The following RAPGEF5 variants were observed in gnomAD, a reference collection of about 807,000 sequenced individuals.
RAPGEF5 encodes the protein Rap guanine nucleotide exchange factor 5, also known as M-Ras-regulated GEF.
A neutral mutation model predicts 125.2 loss-of-function variants in RAPGEF5; 65 were observed. The observed-to-expected ratio is 0.52, with a 90% CI of 0.43 to 0.64. RAPGEF5 has a LOEUF of 0.64. Among genes scored for constraint, RAPGEF5 ranks in the 30% least tolerant of loss-of-function variants. The pLI, the probability that RAPGEF5 is intolerant of heterozygous loss-of-function variation, is 0.00. For synonymous variants in RAPGEF5, 391 were observed against 385.9 expected (o/e 1.01, Z -0.16); for missense variants, 958 against 1,048.1 (o/e 0.91, Z 1.19).
rs753778227 is a variant in RAPGEF5 at position 22,154,597 on chromosome 7, G to A, written c.1644C>T (p.Cys548=). The change falls in exon 17 of 26, where the codon TGC becomes TGT. Residue 548 remains cysteine (C), a synonymous_variant. Coordinates refer to ENST00000665637, the MANE Select transcript of RAPGEF5 (RefSeq NM_012294.5). ...AGGAGTGCTCTGTTATATACACGTG[G>A]CAGAAAACTGCACAAGTGAAAAGAA... ...GTVTETEEIF[C]HVYITEHSYV... is the part of the protein sequence containing the mutation. The A allele has an allele frequency of 1.2e-6, 2 of 1,612,646 alleles. No individual in the cohort carries two copies. The highest frequency in any genetic ancestry group is 2.2e-5 in the South Asian group (2 of 90,776).
intron 19 of RAPGEF5, 22 bp from the exon 20 acceptor site, chr7:22,145,244 C>A: frequency 6.3e-7 from 1 of 1,590,490 alleles, no homozygotes; most frequent in Non-Finnish European, 8.6e-7. Context: ...TGTATTCATG[C>A]CAGGGTTTAT....
chr7:22,249,120 C>A (rs557126242), intron 7 of RAPGEF5, among the ~76,000 whole-genome samples: 2 of 152,312 alleles, frequency 1.3e-5, no homozygotes, highest in South Asian at 4.1e-4. Flanking sequence ...GGGACCTGCA[C>A]ACAGTTTACG....
At chr7:22,300,725 T>G (rs577510131) in intron 5 of RAPGEF5, among the ~76,000 whole-genome samples, 2 of 152,300 alleles carry the variant, frequency 1.3e-5, no homozygotes, top group South Asian at 4.1e-4. Context: ...CTGGGGCTCC[T>G]CTGCCCAGTT....
chr7:22,169,946 G>C (rs151197877), intron 11 of RAPGEF5, among the ~76,000 whole-genome samples: 1 of 149,990 alleles, frequency 6.7e-6, no homozygotes, highest in Non-Finnish European at 1.5e-5. Context: ...GGTGGCAGAG[G>C]TTGCAAGTGA....
At chr7:22,171,784 G>A (rs1286076163) in intron 11 of RAPGEF5, among the ~76,000 whole-genome samples, 1 of 152,196 alleles carries the variant, frequency 6.6e-6, no homozygotes, top group Non-Finnish European at 1.5e-5. Context: ...ACAGGCATGA[G>A]CCACGTTGCC....
At chr7:22,151,343 T>A (rs1407166676) in intron 17 of RAPGEF5, among the ~76,000 whole-genome samples, 1 of 152,184 alleles carries the variant, frequency 6.6e-6, no homozygotes, top group East Asian at 1.9e-4. Context: ...ATTTTTAAAG[T>A]TTTTGATACA....
At chr7:22,330,931 A>G (rs1437547319) in intron 1 of RAPGEF5, among the ~76,000 whole-genome samples, 1 of 152,176 alleles carries the variant, frequency 6.6e-6, no homozygotes, top group Non-Finnish European at 1.5e-5. Flanking sequence ...CCGCATATCA[A>G]TTTTTAAATT....
At chr7:22,319,369 G>A (rs934197764) in intron 1 of RAPGEF5, among the ~76,000 whole-genome samples, 23 of 152,160 alleles carry the variant, frequency 1.5e-4, no homozygotes, top group Non-Finnish European at 2.9e-4. Context: ...AGTCTAAAAA[G>A]AGAATTCCCA....
chr7:22,243,080 T>C (rs1047101474), intron 7 of RAPGEF5, among the ~76,000 whole-genome samples: 1 of 151,610 alleles, frequency 6.6e-6, no homozygotes, highest in Non-Finnish European at 1.5e-5. Flanking sequence ...ATAAAGAACA[T>C]AGCATTTCCC....
At chr7:22,352,857 T>C (rs79692097) in intron 1 of RAPGEF5, among the ~76,000 whole-genome samples, 2,181 of 141,172 alleles carry the variant, frequency 0.015, 60 homozygotes, top group African/African-American at 0.052. Flanking sequence ...ATGATGGATT[T>C]AGATCATCAC....
chr7:22,230,762 T>C (rs1786036197), intron 8 of RAPGEF5, 84 bp downstream of exon 8: 2 of 1,253,444 alleles, frequency 1.6e-6, no homozygotes, highest in Non-Finnish European at 2.2e-6. Flanking sequence ...AGGTAAAACC[T>C]ATATCATTTT....
chr7:22,257,446 G>T (rs535065399), intron 7 of RAPGEF5, among the ~76,000 whole-genome samples: 2 of 152,250 alleles, frequency 1.3e-5, no homozygotes, highest in African/African-American at 4.8e-5. Flanking sequence ...TTCTATTTAT[G>T]AAACATATGC....
chr7:22,184,755 A>G (rs951632010), intron 11 of RAPGEF5, among the ~76,000 whole-genome samples: 42 of 152,198 alleles, frequency 2.8e-4, no homozygotes, highest in Admixed American at 2.7e-3. Context: ...TGGCAGTGTA[A>G]AAGCATCAGT....
chr7:22,270,254 G>A (rs889642445), intron 6 of RAPGEF5, among the ~76,000 whole-genome samples: 1 of 152,206 alleles, frequency 6.6e-6, no homozygotes, highest in African/African-American at 2.4e-5. Flanking sequence ...CTGGCCACTA[G>A]AGCCAGGCAG....
chr7:22,341,272 G>C (rs1784124184), intron 1 of RAPGEF5, among the ~76,000 whole-genome samples: 2 of 152,166 alleles, frequency 1.3e-5, no homozygotes, highest in African/African-American at 4.8e-5. Context: ...CAGATCTCAT[G>C]AGACTTATTC....
At chr7:22,160,262 C>T (rs187062523) in intron 14 of RAPGEF5, among the ~76,000 whole-genome samples, 20 of 152,266 alleles carry the variant, frequency 1.3e-4, no homozygotes, top group Admixed American at 1.2e-3. Flanking sequence ...TTTTTACGTA[C>T]CTGGTTGTTA....
chr7:22,349,710 T>G (rs1352351588), intron 1 of RAPGEF5, among the ~76,000 whole-genome samples: 1 of 152,242 alleles, frequency 6.6e-6, no homozygotes, highest in East Asian at 1.9e-4. Flanking sequence ...AAATGTTTCC[T>G]GCATCCATTG....
At chr7:22,296,825 C>T (rs1783072881) in intron 5 of RAPGEF5, among the ~76,000 whole-genome samples, 1 of 152,230 alleles carries the variant, frequency 6.6e-6, no homozygotes, top group Non-Finnish European at 1.5e-5. Context: ...GCTAGTGAGA[C>T]AGAAGAGCCA....
chr7:22,140,104 T>C lies in RAPGEF5; in HGVS notation c.2198A>G (p.Gln733Arg), dbSNP rs1443751815. Reference protein sequence around the residue: ...FIKIAAHCKAQRNLNSFFAIV... With the variant: ...FIKIAAHCKARRNLNSFFAIV... ...GGCAAAGAAAGAATTCAGGTTTCTC[T>C]GGGCTTTGCAGCTATAAAATAAAAG... The change falls in exon 21 of 26, where the codon CAG becomes CGG. Residue 733 changes from glutamine to arginine, a missense_variant. Physicochemically the swap from Gln to Arg is conservative, Grantham distance 43. Transcript: ENST00000665637. The C allele has an allele frequency of 1.3e-5, 21 of 1,558,122 alleles. No homozygotes were observed. Among genetic ancestry groups the C allele is most frequent in the Middle Eastern group, 1.7e-4 (1 of 6,016 alleles).
Sources: allele counts gnomAD v4.1 joint callset (sites outside exome capture counted in the v4.1 genomes callset), GRCh38; gene constraint gnomAD v4.1.1; transcripts MANE v1.5; gene names NCBI Gene and HGNC (gene_info 2026-07-23, HGNC 2026-07-21).